MB21D2: variants seen among roughly 807,000 people sequenced by gnomAD.
MB21D2 encodes the protein nucleotidyltransferase MB21D2.
In MB21D2, 9 loss-of-function variants were observed where a neutral mutation model predicts 33.3. That is an observed-to-expected ratio of 0.27 (90% CI 0.16 to 0.47). The LOEUF (loss-of-function observed/expected upper bound fraction) is 0.47. MB21D2 is among the 20% of genes least tolerant of loss of function. The pLI is 0.99. For missense variants in MB21D2, 540 were observed against 624.6 expected (o/e 0.86, Z 1.44); for synonymous variants, 241 against 236.3 (o/e 1.02, Z -0.18).
rs546209844 is a variant in MB21D2 at position 192,843,764 on chromosome 3, C to G, written c.212-44114G>C. 3.3e-5 allele frequency among the ~76,000 whole-genome samples: 5 copies of G among 152,214 alleles called. No homozygotes were observed. The East Asian group carries it at 7.7e-4, about 23-fold the overall frequency. The stretch of plus-strand genomic sequence containing the variant: ...ATTTCACTTCCTGGAGGCCTGTTTA[C>G]CCAAATTATAAAATAGAAATAAATA... On this transcript the variant is annotated intron_variant, in intron 1 of 1. Transcript: ENST00000392452.
chr3:192,870,373 G>A (rs1306086812), intron 1 of MB21D2, among the ~76,000 whole-genome samples: 2 of 152,184 alleles, frequency 1.3e-5, no homozygotes, highest in African/African-American at 2.4e-5. Context: ...GGGCATTTCT[G>A]TCATGCTTAC....
intron 1 of MB21D2, among the ~76,000 whole-genome samples, chr3:192,833,077 G>A (rs2247379): frequency 0.61 from 92,445 of 151,276 alleles, 30,121 homozygotes; most frequent in African/African-American, 0.84. Context: ...AACAAATTTT[G>A]AAGTCAATAA....
chr3:192,803,040 T>G (rs1438470986), intron 1 of MB21D2, among the ~76,000 whole-genome samples: 2 of 152,220 alleles, frequency 1.3e-5, no homozygotes, highest in Non-Finnish European at 1.5e-5. Flanking sequence ...GGGTAACTTG[T>G]GCATTAACAA....
At chr3:192,880,999 C>CTA (rs1440014169) in intron 1 of MB21D2, among the ~76,000 whole-genome samples, 1 of 151,784 alleles carries the variant, frequency 6.6e-6, no homozygotes, top group Non-Finnish European at 1.5e-5. Flanking sequence ...ATATACACAT[C>CTA]TATATATAAA....
At chr3:192,905,648 A>G (rs960540624) in intron 1 of MB21D2, among the ~76,000 whole-genome samples, 4 of 150,352 alleles carry the variant, frequency 2.7e-5, no homozygotes, top group African/African-American at 9.8e-5. Context: ...AAAAAAAAAA[A>G]AAAAAAGAAA....
intron 1 of MB21D2, among the ~76,000 whole-genome samples, chr3:192,895,263 T>A (rs564371583): frequency 6.6e-6 from 1 of 152,348 alleles, no homozygotes; most frequent in African/African-American, 2.4e-5. Flanking sequence ...ATTGGTGGAA[T>A]CTTAAATCTC....
chr3:192,832,858 A>T (rs1712351197), intron 1 of MB21D2, among the ~76,000 whole-genome samples: 1 of 152,158 alleles, frequency 6.6e-6, no homozygotes, highest in African/African-American at 2.4e-5. Flanking sequence ...TAAATCAATC[A>T]ATAAAAGTTG....
At chr3:192,864,784 G>T (rs1010401753) in intron 1 of MB21D2, among the ~76,000 whole-genome samples, 1 of 152,176 alleles carries the variant, frequency 6.6e-6, no homozygotes, top group Non-Finnish European at 1.5e-5. Context: ...TGGGGTTACA[G>T]GTGTGAGCCA....
chr3:192,896,011 C>CA (rs1227023484), intron 1 of MB21D2, among the ~76,000 whole-genome samples: 5 of 151,960 alleles, frequency 3.3e-5, no homozygotes, highest in Non-Finnish European at 7.4e-5. Flanking sequence ...CTTAAGGAGA[C>CA]GGAAAAAAAG....
chr3:192,822,884 C>T (rs1195861640), intron 1 of MB21D2, among the ~76,000 whole-genome samples: 1 of 152,166 alleles, frequency 6.6e-6, no homozygotes, highest in African/African-American at 2.4e-5. Flanking sequence ...CACTCCGACA[C>T]CCTGGTATCA....
At chr3:192,849,432 C>T (rs993262232) in intron 1 of MB21D2, among the ~76,000 whole-genome samples, 4 of 152,128 alleles carry the variant, frequency 2.6e-5, no homozygotes, top group Admixed American at 6.5e-5. Flanking sequence ...ATTCTCCTGC[C>T]TCAGCTTCCT....
chr3:192,880,584 C>T (rs1050085150), intron 1 of MB21D2, among the ~76,000 whole-genome samples: 1 of 151,994 alleles, frequency 6.6e-6, no homozygotes, highest in African/African-American at 2.4e-5. Flanking sequence ...AGATGTGAGT[C>T]CCCCAGGAAA....
intron 1 of MB21D2, among the ~76,000 whole-genome samples, chr3:192,827,649 G>A (rs543345408): frequency 2.0e-5 from 3 of 152,198 alleles, no homozygotes; most frequent in Admixed American, 6.5e-5. Flanking sequence ...ACCAGGTCTC[G>A]CTCATTCCAA....
chr3:192,873,892 G>A (rs1713373908), intron 1 of MB21D2, among the ~76,000 whole-genome samples: 1 of 152,082 alleles, frequency 6.6e-6, no homozygotes, highest in Non-Finnish European at 1.5e-5. Flanking sequence ...AGTAGAGACA[G>A]GGTTTCACCA....
intron 1 of MB21D2, among the ~76,000 whole-genome samples, chr3:192,824,648 T>C (rs1712131082): frequency 6.6e-6 from 1 of 152,228 alleles, no homozygotes; most frequent in African/African-American, 2.4e-5. Flanking sequence ...TGAGTTCAGC[T>C]ATGCAGCCCA....
chr3:192,860,664 G>A (rs527634622), intron 1 of MB21D2, among the ~76,000 whole-genome samples: 1 of 152,306 alleles, frequency 6.6e-6, no homozygotes, highest in East Asian at 1.9e-4. Flanking sequence ...CGCCCTGGGA[G>A]CCAGCTCTGC....
At chr3:192,816,886 TG>T (rs2108614649) in intron 1 of MB21D2, among the ~76,000 whole-genome samples, 1 of 149,160 alleles carries the variant, frequency 6.7e-6, no homozygotes, top group South Asian at 2.1e-4. Flanking sequence ...AAAAAAAAAA[TG>T]GGGGTAATAT....
intron 1 of MB21D2, among the ~76,000 whole-genome samples, chr3:192,894,247 G>A (rs1274315323): frequency 6.6e-6 from 1 of 151,860 alleles, no homozygotes; most frequent in Non-Finnish European, 1.5e-5. Context: ...TCCTGCCTCA[G>A]CCTCAGGAGT....
intron 1 of MB21D2, among the ~76,000 whole-genome samples, chr3:192,895,110 G>T (rs1713938154): frequency 6.6e-6 from 1 of 152,124 alleles, no homozygotes; most frequent in Non-Finnish European, 1.5e-5. Context: ...GCCTGCTAGG[G>T]AATCACTCCA....
Sources: gnomAD v4.1 joint callset for allele counts (sites outside exome capture counted in the v4.1 genomes callset) on GRCh38, gnomAD v4.1.1 for gene constraint, MANE v1.5 for transcripts, NCBI Gene and HGNC (gene_info 2026-07-23, HGNC 2026-07-21) for gene names.